DNAAF11: variants seen among roughly 807,000 people sequenced by gnomAD.
DNAAF11 encodes dynein axonemal assembly factor 11.
A neutral mutation model predicts 60.8 loss-of-function variants in DNAAF11; 45 were observed. That is an observed-to-expected ratio of 0.74 (90% confidence interval 0.58 to 0.95). The LOEUF (loss-of-function observed/expected upper bound fraction) is 0.95, where lower values mean the gene tolerates loss of function less well. Ranked by LOEUF, DNAAF11 falls within the 40% of genes least tolerant of loss-of-function variation. The probability of loss-of-function intolerance (pLI) is 0.00; values close to 1 mark genes in which losing one functional copy is unlikely to be tolerated. For synonymous variants in DNAAF11, 191 were observed against 183.5 expected (o/e 1.04, Z -0.33); for missense variants, 546 against 546.2 (o/e 1.00, Z 0.00).
At position 132,570,865 on chromosome 8, in the gene DNAAF11, A is replaced by T. The variant is rs1814117570; in HGVS notation, c.*1441T>A. Among the ~76,000 whole-genome samples the T allele has an allele frequency of 6.6e-6, 1 of 152,180 alleles. No homozygotes were observed. Among genetic ancestry groups the T allele is most frequent in the South Asian group, 2.1e-4 (1 of 4,830 alleles). On this transcript the variant is annotated 3_prime_UTR_variant, in exon 12 of 12. Transcript: ENST00000620350. Reference sequence around the variant, plus strand: ...TAGAGGCAACAATTTCAGCAGCATGATAATTTCCATAGACCTCTCCACAAG... The same window carrying T: ...TAGAGGCAACAATTTCAGCAGCATGTTAATTTCCATAGACCTCTCCACAAG...
At chr8:132,678,768 TTATTAA>T (rs1825824669), upstream of DNAAF11, among the ~76,000 whole-genome samples, 1 of 146,800 alleles carries the variant, frequency 6.8e-6, no homozygotes, top group Admixed American at 6.8e-5. Flanking sequence ...AATTTATAAT[TTATTAA>T]TATTTATAAG....
intron 4 of DNAAF11, among the ~76,000 whole-genome samples, chr8:132,634,079 A>G (rs1821060481): frequency 6.6e-6 from 1 of 152,224 alleles, no homozygotes; most frequent in African/African-American, 2.4e-5. Context: ...TTAGTCAAAT[A>G]TAAATTAAAA....
At chr8:132,698,924 A>ATATATG in the DNAAF11 span, among the ~76,000 whole-genome samples, 1 of 91,404 alleles carries the variant, frequency 1.1e-5, no homozygotes, top group African/African-American at 1.5e-4. Flanking sequence ...TACTTAAAAT[A>ATATATG]TATATATGTA....
intron 10 of DNAAF11, among the ~76,000 whole-genome samples, chr8:132,599,880 T>C (rs1817422289): frequency 6.6e-6 from 1 of 152,144 alleles, no homozygotes; most frequent in African/African-American, 2.4e-5. Flanking sequence ...AGGGATGCCC[T>C]CTCTCACCAC....
intron 1 of DNAAF11, among the ~76,000 whole-genome samples, chr8:132,669,759 G>C (rs977738789): frequency 6.6e-6 from 1 of 152,012 alleles, no homozygotes; most frequent in African/African-American, 2.4e-5. Flanking sequence ...ACATACAAAA[G>C]TAATTTTTTA....
chr8:132,678,408 G>C (rs564432772), upstream of DNAAF11, among the ~76,000 whole-genome samples: 30 of 152,170 alleles, frequency 2.0e-4, no homozygotes, highest in Non-Finnish European at 4.0e-4. Flanking sequence ...AGCAACTTTC[G>C]TAGTCACCCG....
chr8:132,654,492 G>GAAC (rs1823342726), intron 3 of DNAAF11, among the ~76,000 whole-genome samples: 1 of 151,866 alleles, frequency 6.6e-6, no homozygotes. Context: ...AATGTACATG[G>GAAC]AACAGCCTCT....
chr8:132,630,134 T>C (rs1820656690), intron 5 of DNAAF11, among the ~76,000 whole-genome samples: 1 of 152,230 alleles, frequency 6.6e-6, no homozygotes, highest in South Asian at 2.1e-4. Context: ...GGAATTTGAT[T>C]AGCAGCGGAT....
At chr8:132,587,825 G>C (rs144270090) in intron 10 of DNAAF11, among the ~76,000 whole-genome samples, 27 of 152,272 alleles carry the variant, frequency 1.8e-4, no homozygotes, top group Admixed American at 5.2e-4. Flanking sequence ...CCATGCAATT[G>C]AAAGTTGGGA....
rs35316805 is a variant in DNAAF11 at position 132,602,744 on chromosome 8, AATATAT to A, written c.1140+7416_1140+7421del. 9.5e-3 allele frequency among the ~76,000 whole-genome samples: 1,351 copies of A among 141,852 alleles called. 27 individuals are homozygous for A. Among genetic ancestry groups the A allele is most frequent in the African/African-American group, 0.033 (1,273 of 38,856 alleles). The allele number at this position is 141,852 out of a possible 152,430, so 93.1% of individuals were successfully genotyped here. ...TTTGCATACTGGATACTTAATTTGA[AATATAT>A]ATATATATATATATATATACACACA... On this transcript the variant is annotated intron_variant, in intron 10 of 11. Coordinates refer to ENST00000620350, the MANE Select transcript of DNAAF11 (RefSeq NM_012472.6).
chr8:132,645,021 G>T (rs1185859706), intron 3 of DNAAF11, among the ~76,000 whole-genome samples: 1 of 152,166 alleles, frequency 6.6e-6, no homozygotes, highest in Non-Finnish European at 1.5e-5. Flanking sequence ...TCTGAGAATG[G>T]ACAATCTGCC....
chr8:132,571,573 A>G lies in DNAAF11; in HGVS notation c.*733T>C, dbSNP rs1814193791. 6.6e-6 allele frequency among the ~76,000 whole-genome samples: 1 copy of G among 152,200 alleles called. No individual in the cohort carries two copies. The highest frequency in any genetic ancestry group is 2.1e-4 in the South Asian group (1 of 4,820). On this transcript the variant is annotated 3_prime_UTR_variant, in exon 12 of 12. Coordinates refer to ENST00000620350, the MANE Select transcript of DNAAF11 (RefSeq NM_012472.6). ...AGAAGGAGCAGGGAGGAGGAGAGAC[A>G]GGAGAAAGGGAGGAGAAGAGAGAGG...
intron 10 of DNAAF11, among the ~76,000 whole-genome samples, chr8:132,588,139 C>T (rs1269059594): frequency 2.6e-5 from 4 of 152,024 alleles, no homozygotes; most frequent in African/African-American, 9.7e-5. Flanking sequence ...ATGTTTGACC[C>T]ATAAAAAATA....
chr8:132,627,276 A>G (rs1820371064), intron 5 of DNAAF11, among the ~76,000 whole-genome samples: 1 of 152,232 alleles, frequency 6.6e-6, no homozygotes, highest in Non-Finnish European at 1.5e-5. Flanking sequence ...GCAATCTAAA[A>G]TAATAATTAT....
At chr8:132,698,873 G>T in the DNAAF11 span, among the ~76,000 whole-genome samples, 2 of 151,668 alleles carry the variant, frequency 1.3e-5, no homozygotes, top group African/African-American at 2.4e-5. Flanking sequence ...CTGAAGTCAG[G>T]AGTTCAAGGC....
intron 10 of DNAAF11, among the ~76,000 whole-genome samples, chr8:132,593,596 C>A (rs1448542389): frequency 1.3e-5 from 2 of 151,074 alleles, no homozygotes. Context: ...TATATAAATA[C>A]AAATAATAGA....
chr8:132,570,935 T>C lies in DNAAF11; in HGVS notation c.*1371A>G, dbSNP rs1586428809. ...TTCAGCTTCTCAGATTCTGTGCAAG[T>C]TCTGAATTGTCTACCTGTACCAGTG... On this transcript the variant is annotated 3_prime_UTR_variant, in exon 12 of 12. Transcript: ENST00000620350. 1.3e-5 allele frequency among the ~76,000 whole-genome samples: 2 copies of C among 152,338 alleles called. No homozygotes were observed. The highest frequency in any genetic ancestry group is 1.9e-4 in the East Asian group (1 of 5,188).
chr8:132,654,528 A>C (rs1823348476), intron 3 of DNAAF11, among the ~76,000 whole-genome samples: 1 of 152,012 alleles, frequency 6.6e-6, no homozygotes, highest in South Asian at 2.1e-4. Context: ...TTGGGCCATA[A>C]AACAAGTCTC....
intron 3 of DNAAF11, among the ~76,000 whole-genome samples, chr8:132,649,151 T>C (rs1479137169): frequency 6.6e-6 from 1 of 152,180 alleles, no homozygotes; most frequent in Non-Finnish European, 1.5e-5. Context: ...AACAGCATGG[T>C]ACTGGTACCA....
Sources: allele counts gnomAD v4.1 joint callset (sites outside exome capture counted in the v4.1 genomes callset), GRCh38; gene constraint gnomAD v4.1.1; transcripts MANE v1.5; gene names NCBI Gene and HGNC (gene_info 2026-07-23, HGNC 2026-07-21).